CBR4: variants seen among roughly 807,000 people sequenced by gnomAD.
CBR4 encodes carbonyl reductase 4, also known as 3-oxoacyl-[acyl-carrier-protein] reductase.
Under a neutral mutation model 21.0 loss-of-function variants are expected in CBR4, and 22 were observed. That is an observed-to-expected ratio of 1.05 (90% CI 0.75 to 1.50). CBR4 has a LOEUF of 1.50. Among genes scored for constraint, CBR4 ranks in the 40% most tolerant of loss-of-function variants. CBR4 has a pLI of 0.00. For missense variants in CBR4, 302 were observed against 286.3 expected (o/e 1.05, Z -0.40); for synonymous variants, 100 against 104.4 (o/e 0.96, Z 0.26).
At chr4:168,935,830 T>C (rs1422632836) in intron 2 of CBR4, among the ~76,000 whole-genome samples, 1 of 152,058 alleles carries the variant, frequency 6.6e-6, no homozygotes, top group African/African-American at 2.4e-5. Flanking sequence ...TGGCGGTGGG[T>C]GCAGCTTCAG....
intron 4 of CBR4, among the ~76,000 whole-genome samples, chr4:168,994,193 A>ATGGGC (rs1765066717): frequency 6.6e-6 from 1 of 152,232 alleles, no homozygotes; most frequent in Non-Finnish European, 1.5e-5. Context: ...CCTTACGGGA[A>ATGGGC]ACAAAGGGAT....
At chr4:168,970,639 C>T (rs987836556) in intron 2 of CBR4, among the ~76,000 whole-genome samples, 4 of 151,614 alleles carry the variant, frequency 2.6e-5, no homozygotes, top group Admixed American at 2.0e-4. Context: ...TCACCCCCCT[C>T]CCACCCTTCC....
Position 168,924,994 on chromosome 4 carries a change from A to G in CBR4, n.170-30229T>C. ...CATCTGCCTGCTCATTCAGGGAGCC[A>G]CAAAAGAAGATGCTGGGTGGTATAC... On this transcript the variant is annotated intron_variant and non_coding_transcript_variant, in intron 2 of 3. Coordinates refer to the CBR4 transcript ENST00000509108. The G allele has an allele frequency of 6.2e-7, 1 of 1,614,154 alleles. No homozygotes were observed. Among genetic ancestry groups the G allele is most frequent in the African/African-American group, 1.3e-5 (1 of 75,058 alleles).
intron 2 of CBR4, among the ~76,000 whole-genome samples, chr4:168,934,282 C>CAAAA (rs60538970): frequency 9.3e-4 from 17 of 18,184 alleles, no homozygotes; most frequent in South Asian, 6.7e-3. Flanking sequence ...GCAAAAAAAA[C>CAAAA]AAAAAAAAAA....
chr4:168,927,630 A>G (rs543911644), intron 2 of CBR4: 35 of 227,352 alleles, frequency 1.5e-4, no homozygotes, highest in Admixed American at 1.5e-3. Context: ...GTAAATGAAA[A>G]TTATTAGTTC....
intron 2 of CBR4, among the ~76,000 whole-genome samples, chr4:168,918,337 T>TATATATATAC (rs1553981973): frequency 6.6e-6 from 1 of 151,404 alleles, no homozygotes; most frequent in Non-Finnish European, 1.5e-5. Context: ...TATATATATA[T>TATATATATAC]ATACATACAT....
In CBR4 at chr4:168,924,504, T is replaced by C. The variant is rs1158157253; in HGVS notation, n.170-29739A>G. ...AGATACATTTTATATAGCATGGAAA[T>C]CTATGTGTAAAAGCCACATAGATGT... On this transcript the variant is annotated intron_variant and non_coding_transcript_variant, in intron 2 of 3. Transcript: ENST00000509108. The C allele has an allele frequency of 1.0e-5, 13 of 1,302,792 alleles. No individual in the cohort carries two copies. The Admixed American group carries it at 2.2e-4, about 22-fold the overall frequency. 80.7% of individuals were successfully genotyped at this position (1,302,792 alleles called of 1,614,324 possible). A position where few individuals can be genotyped will look rare whatever the true frequency, so the allele number is the denominator to read the frequency against.
chr4:168,936,390 C>T (rs1763112530), intron 2 of CBR4, among the ~76,000 whole-genome samples: 1 of 152,160 alleles, frequency 6.6e-6, no homozygotes, highest in Non-Finnish European at 1.5e-5. Flanking sequence ...CAAAGGATCA[C>T]AACTCCTCAC....
intron 2 of CBR4, among the ~76,000 whole-genome samples, chr4:168,974,865 G>A (rs1017210422): frequency 6.6e-6 from 1 of 151,640 alleles, no homozygotes; most frequent in Admixed American, 6.6e-5. Flanking sequence ...ATCTCCTTGA[G>A]TAGCTTAAAT....
intron 1 of CBR4, among the ~76,000 whole-genome samples, chr4:169,009,316 A>G (rs1731190624): frequency 6.6e-6 from 1 of 152,268 alleles, no homozygotes; most frequent in Admixed American, 6.5e-5. Flanking sequence ...GCAATAAAAA[A>G]GAATTTGGCA....
intron 2 of CBR4, among the ~76,000 whole-genome samples, chr4:168,960,285 G>T (rs540576901): frequency 1.3e-5 from 2 of 152,056 alleles, no homozygotes; most frequent in Non-Finnish European, 2.9e-5. Flanking sequence ...TGTTTTTAAC[G>T]CAGTAAACAT....
intron 2 of CBR4, among the ~76,000 whole-genome samples, chr4:168,951,118 G>C (rs112596771): frequency 0.057 from 8,620 of 152,110 alleles, 777 homozygotes; most frequent in African/African-American, 0.19. Context: ...GAGTGCAGTG[G>C]TGCAATCTTG....
At chr4:168,944,685 T>G (rs1321705606) in intron 2 of CBR4, among the ~76,000 whole-genome samples, 7 of 152,226 alleles carry the variant, frequency 4.6e-5, no homozygotes, top group African/African-American at 1.7e-4. Context: ...ATGGAAGAAT[T>G]TAATAGGAAA....
chr4:168,898,094 A>G (rs1755642779), intron 2 of CBR4: 1 of 246,002 alleles, frequency 4.1e-6, no homozygotes, highest in South Asian at 5.5e-5. Context: ...CTATGTGGAG[A>G]GATGTACCAC....
intron 2 of CBR4, among the ~76,000 whole-genome samples, chr4:168,975,143 T>C (rs1341938067): frequency 6.6e-6 from 1 of 152,182 alleles, no homozygotes; most frequent in Non-Finnish European, 1.5e-5. Flanking sequence ...TGGGGCTTCC[T>C]GAGAGCCAGA....
At position 168,989,620 on chromosome 4, in the gene CBR4, C is replaced by G. The variant is rs1386204008; in HGVS notation, c.*530G>C. 1 of 984,858 alleles carries G rather than the reference C, an allele frequency of 1.0e-6. No individual in the cohort carries two copies. Among genetic ancestry groups the G allele is most frequent in the Non-Finnish European group, 1.2e-6 (1 of 829,634 alleles). 61.0% of individuals were successfully genotyped at this position (984,858 alleles called of 1,614,324 possible). A position where few individuals can be genotyped will look rare whatever the true frequency, so the allele number is the denominator to read the frequency against. On this transcript the variant is annotated 3_prime_UTR_variant, in exon 5 of 5. Coordinates refer to ENST00000306193, the MANE Select transcript of CBR4 (RefSeq NM_032783.5). ...TAAATACTCTTATTTTGGCAACAGCCCACAAGGTTAACTTTTAGAAAATTC... is the reference window on the plus strand; with the variant it reads ...TAAATACTCTTATTTTGGCAACAGCGCACAAGGTTAACTTTTAGAAAATTC...
At chr4:168,961,972 G>C (rs2126729373) in intron 2 of CBR4, among the ~76,000 whole-genome samples, 1 of 146,310 alleles carries the variant, frequency 6.8e-6, no homozygotes, top group Non-Finnish European at 1.5e-5. Context: ...GGAGAGGAGA[G>C]GAGAGGAGAG....
intron 2 of CBR4, among the ~76,000 whole-genome samples, chr4:168,952,124 T>C (rs1489906236): frequency 6.6e-6 from 1 of 152,222 alleles, no homozygotes; most frequent in African/African-American, 2.4e-5. Flanking sequence ...TTATTCTTTT[T>C]TCTTTGTCTT....
chr4:168,901,029 T>C (rs1343938122), intron 2 of CBR4, among the ~76,000 whole-genome samples: 1 of 152,200 alleles, frequency 6.6e-6, no homozygotes, highest in Non-Finnish European at 1.5e-5. Flanking sequence ...ACTTTTTTCC[T>C]AATATAAATT....
Sources: allele counts gnomAD v4.1 joint callset (sites outside exome capture counted in the v4.1 genomes callset), GRCh38; gene constraint gnomAD v4.1.1; transcripts MANE v1.5; gene names NCBI Gene and HGNC (gene_info 2026-07-23, HGNC 2026-07-21).